The following ETNK1 variants were observed in gnomAD, a reference collection of about 807,000 sequenced individuals.
The protein encoded by ETNK1 is putative protein product of Nbla10396.
In ETNK1, 8 loss-of-function variants were observed where a neutral mutation model predicts 45.1. The observed-to-expected ratio is 0.18, with a 90% CI of 0.10 to 0.32. ETNK1 has a LOEUF of 0.32. ETNK1 is among the 10% of genes least tolerant of loss of function. The probability of loss-of-function intolerance (pLI) is 1.00; values close to 1 mark genes in which losing one functional copy is unlikely to be tolerated. For missense variants in ETNK1, 302 were observed against 430.6 expected, an observed-to-expected ratio of 0.70 and a Z score of 2.64; for synonymous variants, 152 against 151.9, an observed-to-expected ratio of 1.00 and a Z score of -0.01.
At chr12:22,643,006 G>A (rs1385941605) in intron 1 of ETNK1, among the ~76,000 whole-genome samples, 1 of 151,934 alleles carries the variant, frequency 6.6e-6, no homozygotes, top group Non-Finnish European at 1.5e-5. Context: ...GTCTTGACAA[G>A]CCCCAAAAGT....
intron 2 of ETNK1, among the ~76,000 whole-genome samples, chr12:22,645,646 T>C (rs1334606123): frequency 6.6e-6 from 1 of 151,820 alleles, no homozygotes; most frequent in African/African-American, 2.4e-5. Flanking sequence ...GATACATGTA[T>C]ACACTGTATA....
intron 2 of ETNK1, among the ~76,000 whole-genome samples, chr12:22,644,877 G>A (rs895275841): frequency 1.4e-4 from 21 of 151,900 alleles, no homozygotes; most frequent in African/African-American, 5.1e-4. Context: ...CTCCTGAAAG[G>A]ATTTCGGATG....
At chr12:22,656,387 C>A in intron 2 of ETNK1, 1 of 985,032 alleles carries the variant, frequency 1.0e-6, no homozygotes, top group Non-Finnish European at 1.2e-6. Flanking sequence ...ATGTGCAGGG[C>A]CTCCTTGTCT....
chr12:22,627,468 A>C (rs772508870), intron 1 of ETNK1, among the ~76,000 whole-genome samples: 14 of 152,168 alleles, frequency 9.2e-5, no homozygotes, highest in Non-Finnish European at 1.8e-4. Flanking sequence ...GCTTTGGTCT[A>C]GAAGCTGTCC....
intron 1 of ETNK1, among the ~76,000 whole-genome samples, chr12:22,633,486 A>G (rs956098588): frequency 1.3e-5 from 2 of 152,342 alleles, no homozygotes; most frequent in East Asian, 1.9e-4. Flanking sequence ...GCTTTGGTGT[A>G]GGACTCCAGC....
At chr12:22,679,175 G>C (rs533374750) in intron 6 of ETNK1, among the ~76,000 whole-genome samples, 4 of 152,196 alleles carry the variant, frequency 2.6e-5, no homozygotes, top group Non-Finnish European at 5.9e-5. Context: ...TAGTGGCGCA[G>C]TACAAGTTTG....
chr12:22,666,185 T>C (rs911090551), intron 4 of ETNK1, among the ~76,000 whole-genome samples: 1 of 152,114 alleles, frequency 6.6e-6, no homozygotes, highest in Non-Finnish European at 1.5e-5. Flanking sequence ...GCTGTCAAGA[T>C]TTTTGAAAAG....
At chr12:22,661,979 T>A (rs1210385150) in intron 4 of ETNK1, among the ~76,000 whole-genome samples, 2 of 152,024 alleles carry the variant, frequency 1.3e-5, no homozygotes, top group African/African-American at 2.4e-5. Flanking sequence ...AAAAATAAAA[T>A]TTTGGTTGAA....
At chr12:22,658,927 A>C (rs1481924133) in intron 2 of ETNK1, 87 bp from the exon 3 acceptor site, 1 of 1,394,302 alleles carries the variant, frequency 7.2e-7, no homozygotes, top group Non-Finnish European at 9.8e-7. Flanking sequence ...CGGGAGACTG[A>C]CTAAAGTTTC....
rs945703697 is a variant in ETNK1, at chr12:22,661,029, A to G, written c.558-34A>G. The G allele has an allele frequency of 2.5e-6, 4 of 1,572,988 alleles. No homozygotes were observed. In the African/African-American group the frequency reaches 4.1e-5, roughly 16 times the overall value. ...CTTAATCAAACTTGAAAAAAATGTC[A>G]CACAAGATATAACTCTTCTTTTAAA... On this transcript the variant is annotated intron_variant, in intron 3 of 7. Transcript: ENST00000266517.
intron 1 of ETNK1, chr12:22,625,938 C>G (rs1953488553): frequency 1.9e-6 from 1 of 540,498 alleles, no homozygotes; most frequent in Non-Finnish European, 3.5e-6. Context: ...GCACGGGGTC[C>G]TCGTCTACCT....
At chr12:22,663,517 G>T (rs1237150878) in intron 4 of ETNK1, among the ~76,000 whole-genome samples, 3 of 151,926 alleles carry the variant, frequency 2.0e-5, no homozygotes, top group Non-Finnish European at 4.4e-5. Flanking sequence ...ACTTTGTCTT[G>T]GGTGTTAAAA....
chr12:22,643,530 A>C (rs1326071963), intron 1 of ETNK1, among the ~76,000 whole-genome samples: 1 of 152,088 alleles, frequency 6.6e-6, no homozygotes, highest in African/African-American at 2.4e-5. Flanking sequence ...TGGATCAAGG[A>C]AGGCATGTTA....
intron 2 of ETNK1, 21 bp downstream of exon 2, chr12:22,644,043 T>G: frequency 6.9e-7 from 1 of 1,450,294 alleles, no homozygotes; most frequent in Non-Finnish European, 9.1e-7. Flanking sequence ...TTTTCTGAAT[T>G]TTTCCTTTTG....
chr12:22,643,957 A>G lies in ETNK1; in HGVS notation c.351A>G (p.Leu117=), dbSNP rs753384841. ...TCTACTGTACCTTCAATAATGGACT[A>G]TGCTATGAATTTATACAAGGAGAAG... ...PQLYCTFNNG[L]CYEFIQGEAL... Residue 117 remains leucine, a synonymous_variant, in exon 2 of 8, where the codon CTA becomes CTG. Transcript: ENST00000266517. The G allele has an allele frequency of 1.9e-6, 3 of 1,613,140 alleles. No homozygotes were observed. Among genetic ancestry groups the G allele is most frequent in the East Asian group, 2.2e-5 (1 of 44,870 alleles).
chr12:22,659,039 A>G lies in ETNK1; in HGVS notation c.442A>G (p.Ile148Val). The G allele has an allele frequency of 6.2e-7, 1 of 1,613,746 alleles. No individual in the cohort carries two copies. Among genetic ancestry groups the G allele is most frequent in the Non-Finnish European group, 8.5e-7 (1 of 1,179,860 alleles). Residue 148 changes from isoleucine to valine, a missense_variant, in exon 3 of 8, where the codon ATC becomes GTC. Ile to Val is a conservative substitution (Grantham distance 29). Around this residue, in one of 3 missense-constraint regions of ETNK1, gnomAD observed 205 missense variants for 259.9 expected, o/e 0.79. Coordinates refer to ENST00000266517, the MANE Select transcript of ETNK1 (RefSeq NM_018638.5). Reference sequence around the variant, plus strand: ...GCTAATAGCTCGTCAGCTTGCTAAAATCCATGCTATTCATGCACACAATGG... The same window carrying G: ...GCTAATAGCTCGTCAGCTTGCTAAAGTCCATGCTATTCATGCACACAATGG... ...FRLIARQLAK[I>V]HAIHAHNGWI...
At chr12:22,625,854 T>G in intron 1 of ETNK1, 2 of 678,628 alleles carry the variant, frequency 2.9e-6, no homozygotes, top group Non-Finnish European at 5.4e-6. Flanking sequence ...CGGGGGGAGA[T>G]TCCTGCTGAT....
chr12:22,657,053 GT>G (rs1341796725), intron 2 of ETNK1, among the ~76,000 whole-genome samples: 2 of 152,036 alleles, frequency 1.3e-5, no homozygotes, highest in African/African-American at 4.8e-5. Context: ...ACTTTCCTTT[GT>G]TTTGATTTTA....
At chr12:22,658,606 G>A (rs1184376837) in intron 2 of ETNK1, among the ~76,000 whole-genome samples, 1 of 152,308 alleles carries the variant, frequency 6.6e-6, no homozygotes, top group Non-Finnish European at 1.5e-5. Context: ...TTTGGAATTG[G>A]AGAAGAGAGA....
Sources: allele counts gnomAD v4.1 joint callset (sites outside exome capture counted in the v4.1 genomes callset), GRCh38; gene constraint gnomAD v4.1.1; regional missense constraint gnomAD v4.1.1; transcripts MANE v1.5; gene names NCBI Gene and HGNC (gene_info 2026-07-23, HGNC 2026-07-21).